The following NEGR1 variants were observed in gnomAD, a reference collection of about 807,000 sequenced individuals.
The protein encoded by NEGR1 is IgLON family member 4.
A neutral mutation model predicts 40.9 loss-of-function variants in NEGR1; 10 were observed. The observed-to-expected ratio is 0.24, with a 90% CI of 0.15 to 0.42. The LOEUF is 0.42. Among genes scored for constraint, NEGR1 ranks in the 10% least tolerant of loss-of-function variants. The probability of loss-of-function intolerance (pLI) is 1.00; values close to 1 mark genes in which losing one functional copy is unlikely to be tolerated. For missense variants in NEGR1, 352 were observed against 438.9 expected (o/e 0.80, Z 1.77); for synonymous variants, 185 against 166.8 (o/e 1.11, Z -0.84).
chr1:71,861,317 A>G (rs767612519), intron 2 of NEGR1, among the ~76,000 whole-genome samples: 51 of 152,022 alleles, frequency 3.4e-4, no homozygotes, highest in Admixed American at 2.1e-3. Flanking sequence ...GAAACACCAT[A>G]CACTATTATT....
intron 1 of NEGR1, among the ~76,000 whole-genome samples, chr1:72,168,006 T>TTAC (rs5775108): frequency 7.7e-6 from 1 of 129,580 alleles, no homozygotes; most frequent in African/African-American, 2.8e-5. Flanking sequence ...ATTATTATTA[T>TTAC]TTTTTTTTTT....
At chr1:71,807,979 T>C (rs1657841845) in intron 2 of NEGR1, among the ~76,000 whole-genome samples, 1 of 152,232 alleles carries the variant, frequency 6.6e-6, no homozygotes, top group Non-Finnish European at 1.5e-5. Flanking sequence ...CATATACACA[T>C]ATTGTATCCT....
chr1:71,927,906 G>A (rs547312333), intron 2 of NEGR1, among the ~76,000 whole-genome samples: 2 of 146,306 alleles, frequency 1.4e-5, no homozygotes, highest in South Asian at 2.2e-4. Flanking sequence ...GCTGAGGTGG[G>A]AGGATCACCT....
intron 6 of NEGR1, among the ~76,000 whole-genome samples, chr1:71,524,252 A>G (rs1314498928): frequency 6.6e-6 from 1 of 151,120 alleles, no homozygotes; most frequent in Non-Finnish European, 1.5e-5. Context: ...TTCTCTAACT[A>G]TCAGTGGGCC....
At chr1:71,754,336 G>A (rs868657076) in intron 3 of NEGR1, among the ~76,000 whole-genome samples, 12 of 152,238 alleles carry the variant, frequency 7.9e-5, no homozygotes, top group African/African-American at 2.6e-4. Flanking sequence ...TACTATGTCC[G>A]TTTTCCTTTA....
At chr1:72,037,573 C>G (rs1646914147) in intron 1 of NEGR1, among the ~76,000 whole-genome samples, 1 of 152,150 alleles carries the variant, frequency 6.6e-6, no homozygotes. Context: ...TAAACTATAA[C>G]TGCCTTCGTT....
intron 3 of NEGR1, among the ~76,000 whole-genome samples, chr1:71,743,302 A>G (rs932666794): frequency 7.9e-5 from 12 of 152,298 alleles, no homozygotes; most frequent in African/African-American, 2.9e-4. Flanking sequence ...TAATATAAAC[A>G]TAAAATAACA....
chr1:72,064,705 CATTATT>C (rs939304756), intron 1 of NEGR1, among the ~76,000 whole-genome samples: 1 of 151,992 alleles, frequency 6.6e-6, no homozygotes, highest in African/African-American at 2.4e-5. Context: ...GAATGAGAAT[CATTATT>C]ATTATTTTAC....
chr1:72,125,821 C>T (rs1300203732), intron 1 of NEGR1, among the ~76,000 whole-genome samples: 2 of 151,942 alleles, frequency 1.3e-5, no homozygotes, highest in Non-Finnish European at 2.9e-5. Context: ...TTCTTTTTCC[C>T]ACCAGAACAA....
At chr1:72,230,992 T>C (rs887666273) in intron 1 of NEGR1, among the ~76,000 whole-genome samples, 2 of 152,172 alleles carry the variant, frequency 1.3e-5, no homozygotes, top group African/African-American at 4.8e-5. Flanking sequence ...CTAAAGGTCA[T>C]GGAAGGACTC....
At chr1:72,274,755 C>T (rs1335001734) in intron 1 of NEGR1, 1 of 1,184,662 alleles carries the variant, frequency 8.4e-7, no homozygotes, top group African/African-American at 1.5e-5. Flanking sequence ...AAATTGCTTG[C>T]TGTAAGCAGT....
chr1:72,226,647 G>A (rs1415899343), intron 1 of NEGR1, among the ~76,000 whole-genome samples: 1 of 151,930 alleles, frequency 6.6e-6, no homozygotes, highest in Non-Finnish European at 1.5e-5. Flanking sequence ...ACAGCTATCA[G>A]AAGTAAATAT....
chr1:71,480,760 C>A (rs910258579), intron 6 of NEGR1, among the ~76,000 whole-genome samples: 1 of 151,852 alleles, frequency 6.6e-6, no homozygotes, highest in African/African-American at 2.4e-5. Flanking sequence ...ACTTATTTTA[C>A]AAATCTTGGC....
At chr1:72,083,637 C>A (rs567605983) in intron 1 of NEGR1, among the ~76,000 whole-genome samples, 2 of 152,204 alleles carry the variant, frequency 1.3e-5, no homozygotes, top group African/African-American at 4.8e-5. Flanking sequence ...ATAATAGTGG[C>A]ATTTGTTAAT....
At chr1:71,895,632 T>A (rs1009922538) in intron 2 of NEGR1, among the ~76,000 whole-genome samples, 1 of 152,210 alleles carries the variant, frequency 6.6e-6, no homozygotes, top group Non-Finnish European at 1.5e-5. Context: ...AGTACATTAT[T>A]TTTGCTTGTG....
intron 1 of NEGR1, among the ~76,000 whole-genome samples, chr1:72,224,312 C>CTT (rs529451368): frequency 7.1e-6 from 1 of 140,358 alleles, no homozygotes; most frequent in African/African-American, 2.6e-5. Flanking sequence ...GATTCTTTGA[C>CTT]TTTTTTTTTT....
At chr1:72,271,275 G>A (rs568118698) in intron 1 of NEGR1, among the ~76,000 whole-genome samples, 1 of 151,868 alleles carries the variant, frequency 6.6e-6, no homozygotes. Context: ...TTTCAAAGAT[G>A]TATTATAATC....
intron 6 of NEGR1, chr1:71,422,617 T>A (rs1248215703): frequency 6.6e-6 from 1 of 152,202 alleles, no homozygotes; most frequent in Admixed American, 6.5e-5. Flanking sequence ...AATCTAGGCT[T>A]AGCAGCTACA....
chr1:72,110,953 G>T (rs527954730), intron 1 of NEGR1, among the ~76,000 whole-genome samples: 3 of 151,586 alleles, frequency 2.0e-5, no homozygotes, highest in East Asian at 3.9e-4. Context: ...TTGAAAAAAA[G>T]AATGTATGAA....
Sources: allele counts gnomAD v4.1 joint callset (sites outside exome capture counted in the v4.1 genomes callset), GRCh38; gene constraint gnomAD v4.1.1; transcripts MANE v1.5; gene names NCBI Gene and HGNC (gene_info 2026-07-23, HGNC 2026-07-21).